Variants in MAP2K1 observed in about 807,000 individuals in gnomAD.
The protein encoded by MAP2K1 is dual specificity mitogen-activated protein kinase kinase 1.
In MAP2K1, 16 loss-of-function variants were observed where a neutral mutation model predicts 46.3. The ratio of observed to expected loss-of-function variants is 0.35; its 90% confidence interval spans 0.23 to 0.52. The LOEUF (loss-of-function observed/expected upper bound fraction) is 0.52. Ranked by LOEUF, MAP2K1 falls within the 20% of genes least tolerant of loss-of-function variation. MAP2K1 has a pLI of 0.94. For missense variants in MAP2K1, 263 were observed against 497.1 expected (o/e 0.53, Z 4.48); for synonymous variants, 183 against 185.6 (o/e 0.99, Z 0.11).
chr15:66,388,030 C>T (rs2093346641), intron 1 of MAP2K1, among the ~76,000 whole-genome samples: 1 of 152,168 alleles, frequency 6.6e-6, no homozygotes, highest in Non-Finnish European at 1.5e-5. Flanking sequence ...CTCAAGAAAG[C>T]GGCTTTCTTC....
intron 1 of MAP2K1, among the ~76,000 whole-genome samples, chr15:66,427,915 G>GA (rs1292304934): frequency 6.6e-6 from 1 of 152,160 alleles, no homozygotes; most frequent in African/African-American, 2.4e-5. Flanking sequence ...TTGGAAAGCT[G>GA]AGGCAGGAGA....
intron 5 of MAP2K1, among the ~76,000 whole-genome samples, chr15:66,469,304 C>T (rs1236946427): frequency 6.6e-6 from 1 of 152,164 alleles, no homozygotes; most frequent in Non-Finnish European, 1.5e-5. Context: ...CTAAACTACA[C>T]TCTTCATTAA....
intron 1 of MAP2K1, among the ~76,000 whole-genome samples, chr15:66,390,570 G>C (rs990423846): frequency 1.3e-5 from 2 of 152,194 alleles, no homozygotes; most frequent in Non-Finnish European, 2.9e-5. Context: ...GATGCAAGTT[G>C]TAGGGGTCCT....
chr15:66,443,384 T>C lies in MAP2K1; in HGVS notation c.516+27T>C, dbSNP rs1033086799. 3 of 1,379,810 alleles carry C rather than the reference T, an allele frequency of 2.2e-6. No homozygotes were observed. In the African/African-American group the frequency reaches 4.3e-5, roughly 20 times the overall value. The allele number at this position is 1,379,810 out of a possible 1,614,324, so 85.5% of individuals were successfully genotyped here. ...TGAGTATGTTATGAAGTTTTTCTTCTAAGTTCCTCATTGATAAGTTAATGA... is the reference window on the plus strand; with the variant it reads ...TGAGTATGTTATGAAGTTTTTCTTCCAAGTTCCTCATTGATAAGTTAATGA... On this transcript the variant is annotated intron_variant, in intron 4 of 10. Transcript: ENST00000307102.
At chr15:66,424,404 C>T (rs1400660294) in intron 1 of MAP2K1, among the ~76,000 whole-genome samples, 2 of 152,148 alleles carry the variant, frequency 1.3e-5, no homozygotes, top group African/African-American at 2.4e-5. Context: ...TGTGGTAGAA[C>T]AGAGAATTAG....
chr15:66,441,111 T>C (rs2093502463), intron 3 of MAP2K1, among the ~76,000 whole-genome samples: 1 of 152,068 alleles, frequency 6.6e-6, no homozygotes, highest in Non-Finnish European at 1.5e-5. Context: ...ACAACAGATG[T>C]GCATCACCAT....
chr15:66,394,769 T>G (rs1032222797), intron 1 of MAP2K1, among the ~76,000 whole-genome samples: 1 of 152,198 alleles, frequency 6.6e-6, no homozygotes, highest in Non-Finnish European at 1.5e-5. Context: ...TAGGAGCTTT[T>G]GAAGTGGTTT....
At position 66,491,124 on chromosome 15, in the gene MAP2K1, AT is replaced by A; in HGVS notation, c.*511del. The A allele has an allele frequency of 3.5e-6, 1 of 284,600 alleles. No homozygotes were observed. The highest frequency in any genetic ancestry group is 6.7e-6 in the Non-Finnish European group (1 of 149,098). 17.6% of individuals were successfully genotyped at this position (284,600 alleles called of 1,614,324 possible). ...CAGAGAGTGTACATCATGTTATTTT[AT>A]TATTATTATTTGCTTTTCATGTAGA... is the stretch of plus-strand genomic sequence containing the variant. On this transcript the variant is annotated 3_prime_UTR_variant, in exon 11 of 11. Transcript: ENST00000307102.
At chr15:66,462,798 T>G (rs1892360306) in intron 5 of MAP2K1, among the ~76,000 whole-genome samples, 1 of 152,120 alleles carries the variant, frequency 6.6e-6, no homozygotes, top group African/African-American at 2.4e-5. Context: ...GAAACCAACT[T>G]GAGCCAGTGT....
intron 1 of MAP2K1, chr15:66,414,981 G>A: frequency 2.3e-6 from 1 of 442,304 alleles, no homozygotes; most frequent in Admixed American, 2.4e-5. Flanking sequence ...TGTAGGAAAG[G>A]CAGTAGCTGA....
rs1893233906 is a variant in MAP2K1, at chr15:66,490,857, G to C, written c.*242G>C. On this transcript the variant is annotated 3_prime_UTR_variant, in exon 11 of 11. Coordinates refer to ENST00000307102, the MANE Select transcript of MAP2K1 (RefSeq NM_002755.4). ...GCTTGGGGCTATTTGTGTGTATGCTGATGATCAAAACCTGTGCCAGGCTGA... is the reference window on the plus strand; with the variant it reads ...GCTTGGGGCTATTTGTGTGTATGCTCATGATCAAAACCTGTGCCAGGCTGA... The C allele has an allele frequency of 1.7e-6, 1 of 574,528 alleles. No individual in the cohort carries two copies. The highest frequency in any genetic ancestry group is 3.2e-6 in the Non-Finnish European group (1 of 315,022). The allele number at this position is 574,528 out of a possible 1,614,324, so 35.6% of individuals were successfully genotyped here. A position where few individuals can be genotyped will look rare whatever the true frequency, so the allele number is the denominator to read the frequency against.
At chr15:66,464,948 C>G (rs985021329) in intron 5 of MAP2K1, among the ~76,000 whole-genome samples, 1 of 151,710 alleles carries the variant, frequency 6.6e-6, no homozygotes, top group African/African-American at 2.4e-5. Context: ...TATAGCCAGG[C>G]ACAGTGGCTC....
At chr15:66,399,719 T>G (rs1324721879) in intron 1 of MAP2K1, among the ~76,000 whole-genome samples, 1 of 152,126 alleles carries the variant, frequency 6.6e-6, no homozygotes, top group Non-Finnish European at 1.5e-5. Flanking sequence ...GCCTCAGCCT[T>G]CTGAGAAGCT....
At position 66,490,895 on chromosome 15, in the gene MAP2K1, T is replaced by C. The variant is rs890100403; in HGVS notation, c.*280T>C. On this transcript the variant is annotated 3_prime_UTR_variant, in exon 11 of 11. Transcript: ENST00000307102. ...TGTGCCAGGCTGAATTACAGTGAAA[T>C]TTTGGTGAATGTGGGTAGTCATTCT... The C allele has an allele frequency of 2.0e-5, 10 of 509,632 alleles. No homozygotes were observed. Among genetic ancestry groups the C allele is most frequent in the African/African-American group, 1.7e-4 (9 of 52,526 alleles). 31.6% of individuals were successfully genotyped at this position (509,632 alleles called of 1,614,324 possible).
chr15:66,415,307 A>T, intron 1 of MAP2K1: 1 of 331,412 alleles, frequency 3.0e-6, no homozygotes, highest in East Asian at 9.9e-5. Flanking sequence ...TGTGAATAAC[A>T]AAGACACTCC....
intron 1 of MAP2K1, among the ~76,000 whole-genome samples, chr15:66,394,757 A>G (rs1399683871): frequency 6.6e-6 from 1 of 152,134 alleles, no homozygotes; most frequent in East Asian, 1.9e-4. Context: ...TGGCCTGATA[A>G]GTAGGAGCTT....
intron 1 of MAP2K1, among the ~76,000 whole-genome samples, chr15:66,408,278 C>T (rs974226542): frequency 3.9e-5 from 6 of 152,182 alleles, no homozygotes; most frequent in African/African-American, 1.2e-4. Flanking sequence ...TTCAGCTGCT[C>T]TTTATCCAAC....
chr15:66,478,126 G>A (rs925352517), intron 5 of MAP2K1, among the ~76,000 whole-genome samples: 4 of 151,612 alleles, frequency 2.6e-5, no homozygotes, highest in African/African-American at 7.3e-5. Context: ...TGCATGGCTC[G>A]CTCCCTCTCT....
chr15:66,426,671 T>C lies in MAP2K1; in HGVS notation c.81-8356T>C, dbSNP rs565682293. Among the ~76,000 whole-genome samples the C allele has an allele frequency of 6.6e-5, 10 of 152,342 alleles. No homozygotes were observed. The South Asian group carries it at 1.9e-3, about 28-fold the overall frequency. On this transcript the variant is annotated intron_variant, in intron 1 of 10. Transcript: ENST00000307102. ...GAAACTACTAGAAAGAAGAAAAACA[T>C]GCTTGTGGCTACTCTGTGCCTGCGA...
Sources: allele counts gnomAD v4.1 joint callset (sites outside exome capture counted in the v4.1 genomes callset), GRCh38; gene constraint gnomAD v4.1.1; transcripts MANE v1.5; gene names NCBI Gene and HGNC (gene_info 2026-07-23, HGNC 2026-07-21).